IPMK: variants seen among roughly 807,000 people sequenced by gnomAD.
The protein encoded by IPMK is inositol polyphosphate multikinase.
IPMK carries 17 observed loss-of-function variants against 45.8 expected under a neutral mutation model. That is an observed-to-expected ratio of 0.37 (90% confidence interval 0.25 to 0.56). IPMK has a LOEUF of 0.56. Ranked by LOEUF, IPMK falls within the 20% of genes least tolerant of loss-of-function variation. The pLI, the probability that IPMK is intolerant of heterozygous loss-of-function variation, is 0.79. For missense variants in IPMK, 399 were observed against 498.0 expected, an observed-to-expected ratio of 0.80 and a Z score of 1.89; for synonymous variants, 180 against 184.3, an observed-to-expected ratio of 0.98 and a Z score of 0.19.
At chr10:58,223,706 C>A (rs1041691957) in intron 3 of IPMK, among the ~76,000 whole-genome samples, 2 of 152,170 alleles carry the variant, frequency 1.3e-5, no homozygotes, top group Non-Finnish European at 2.9e-5. Context: ...CAAATCTCAT[C>A]TCTAATTGGA....
At chr10:58,242,592 T>C (rs1451093214) in intron 1 of IPMK, among the ~76,000 whole-genome samples, 1 of 152,048 alleles carries the variant, frequency 6.6e-6, no homozygotes, top group African/African-American at 2.4e-5. Context: ...TACAGGCTCA[T>C]CACTATACTC....
chr10:58,217,471 C>G (rs12359358), intron 3 of IPMK, among the ~76,000 whole-genome samples: 1 of 151,240 alleles, frequency 6.6e-6, no homozygotes, highest in Admixed American at 6.6e-5. Flanking sequence ...GGTGGATCAC[C>G]TGAGGGCGAG....
intron 4 of IPMK, among the ~76,000 whole-genome samples, chr10:58,211,461 G>A (rs978161426): frequency 3.3e-5 from 5 of 152,062 alleles, no homozygotes; most frequent in Non-Finnish European, 5.9e-5. Context: ...GCAAAGTGCT[G>A]GGATTACAGG....
chr10:58,207,572 TAA>T (rs1402217587), intron 4 of IPMK, among the ~76,000 whole-genome samples: 1 of 152,232 alleles, frequency 6.6e-6, no homozygotes, highest in Non-Finnish European at 1.5e-5. Flanking sequence ...GGGTATAGTT[TAA>T]GTCCATTGTT....
At chr10:58,226,954 A>C in intron 3 of IPMK, 89 bp downstream of exon 3, 1 of 771,002 alleles carries the variant, frequency 1.3e-6, no homozygotes, top group Non-Finnish European at 2.1e-6. Flanking sequence ...TATAATACAT[A>C]CTCAGTTAAA....
At chr10:58,220,851 C>T (rs1300010784) in intron 3 of IPMK, among the ~76,000 whole-genome samples, 1 of 152,122 alleles carries the variant, frequency 6.6e-6, no homozygotes, top group South Asian at 2.1e-4. Flanking sequence ...CATTTTACCT[C>T]TAAGTATATA....
At chr10:58,221,494 C>A (rs1226011665) in intron 3 of IPMK, among the ~76,000 whole-genome samples, 1 of 151,950 alleles carries the variant, frequency 6.6e-6, no homozygotes, top group Non-Finnish European at 1.5e-5. Flanking sequence ...AAGATGACAG[C>A]AAATAAGAAA....
At chr10:58,235,339 T>A (rs1838593730) in intron 2 of IPMK, among the ~76,000 whole-genome samples, 1 of 152,208 alleles carries the variant, frequency 6.6e-6, no homozygotes, top group Non-Finnish European at 1.5e-5. Context: ...GGATTATAAA[T>A]CATGCTACTA....
At chr10:58,266,465 G>A (rs1839148957) in intron 1 of IPMK, among the ~76,000 whole-genome samples, 1 of 152,156 alleles carries the variant, frequency 6.6e-6, no homozygotes, top group East Asian at 1.9e-4. Flanking sequence ...CTTCAGGCAC[G>A]TCATTCTTAA....
intron 4 of IPMK, among the ~76,000 whole-genome samples, chr10:58,215,568 A>G (rs1838232184): frequency 6.6e-6 from 1 of 151,374 alleles, no homozygotes; most frequent in Non-Finnish European, 1.5e-5. Flanking sequence ...GCTACCTCTC[A>G]CCCAGCTGGT....
intron 4 of IPMK, among the ~76,000 whole-genome samples, chr10:58,211,411 T>G (rs1184437010): frequency 6.6e-6 from 1 of 152,058 alleles, no homozygotes; most frequent in Non-Finnish European, 1.5e-5. Context: ...CAGGCTGCTC[T>G]CGAACTCCTT....
intron 1 of IPMK, among the ~76,000 whole-genome samples, chr10:58,240,294 C>A (rs1838677595): frequency 6.6e-6 from 1 of 150,786 alleles, no homozygotes; most frequent in Non-Finnish European, 1.5e-5. Flanking sequence ...TAAACAATCA[C>A]AGAGGAACAG....
Position 58,267,833 on chromosome 10 carries a change from T to G in IPMK, c.-222A>C. 1 of 480,410 alleles carries G rather than the reference T, an allele frequency of 2.1e-6. No homozygotes were observed. The highest frequency in any genetic ancestry group is 3.1e-5 in the South Asian group (1 of 32,480). 29.8% of individuals were successfully genotyped at this position (480,410 alleles called of 1,614,324 possible). A position where few individuals can be genotyped will look rare whatever the true frequency, so the allele number is the denominator to read the frequency against. On this transcript the variant is annotated 5_prime_UTR_variant, in exon 1 of 6. Transcript: ENST00000373935. ...GCGGAACGCGGCTCCCGGCTCCTGTTCCTCTGCCGCCGCAGCCGCCGGCCC... is the reference window on the plus strand; with the variant it reads ...GCGGAACGCGGCTCCCGGCTCCTGTGCCTCTGCCGCCGCAGCCGCCGGCCC...
At chr10:58,223,520 G>C (rs959228699) in intron 3 of IPMK, among the ~76,000 whole-genome samples, 1 of 152,024 alleles carries the variant, frequency 6.6e-6, no homozygotes, top group African/African-American at 2.4e-5. Context: ...CGAAAATATG[G>C]GTTTCAAATT....
intron 1 of IPMK, among the ~76,000 whole-genome samples, chr10:58,239,933 G>T (rs1241578005): frequency 6.6e-6 from 1 of 152,028 alleles, no homozygotes; most frequent in Non-Finnish European, 1.5e-5. Context: ...CTGCACGGGG[G>T]ATCAAAACAA....
chr10:58,221,452 T>A (rs1838333952), intron 3 of IPMK, among the ~76,000 whole-genome samples: 1 of 152,060 alleles, frequency 6.6e-6, no homozygotes, highest in South Asian at 2.1e-4. Flanking sequence ...TTACTACAGC[T>A]AGGTTTTCTT....
intron 1 of IPMK, among the ~76,000 whole-genome samples, chr10:58,248,300 G>T (rs1203896851): frequency 6.6e-6 from 1 of 151,610 alleles, no homozygotes; most frequent in Non-Finnish European, 1.5e-5. Context: ...TTTAAAAATG[G>T]CCAAGATGGC....
Position 58,196,629 on chromosome 10 carries a change from A to G in IPMK, c.698T>C (p.Ile233Thr), listed in dbSNP as rs777938568. 2.3e-5 allele frequency: 37 copies of G among 1,613,704 alleles called. No individual in the cohort carries two copies. The highest frequency in any genetic ancestry group is 2.1e-4 in the South Asian group (19 of 91,024). ...TTCAAACCACTGCAGAATTTTCTCA[A>G]TCTTCTGAATACTGGCAGCAACAGC... ...KDAVAASIQKIEKILQWFENQ... is the reference protein window; with the variant it reads ...KDAVAASIQKTEKILQWFENQ... Residue 233 changes from isoleucine to threonine, a missense_variant, in exon 6 of 6, where the codon ATT becomes ACT. Physicochemically the swap from Ile to Thr is moderately conservative, Grantham distance 89 (BLOSUM62 -1). Transcript: ENST00000373935.
chr10:58,233,280 C>G (rs1262836103), intron 2 of IPMK, among the ~76,000 whole-genome samples: 4 of 152,048 alleles, frequency 2.6e-5, no homozygotes, highest in Non-Finnish European at 5.9e-5. Context: ...AAAACTATTC[C>G]AATCAATAGA....
Sources: gnomAD v4.1 joint callset for allele counts (sites outside exome capture counted in the v4.1 genomes callset) on GRCh38, gnomAD v4.1.1 for gene constraint, MANE v1.5 for transcripts, NCBI Gene and HGNC (gene_info 2026-07-23, HGNC 2026-07-21) for gene names.